The following MTARC2 variants were observed in gnomAD, a reference collection of about 807,000 sequenced individuals.
MTARC2 encodes MOCO sulphurase C-terminal domain containing 2.
Under a neutral mutation model 35.6 loss-of-function variants are expected in MTARC2, and 27 were observed. That is an observed-to-expected ratio of 0.76 (90% CI 0.56 to 1.04). MTARC2 has a LOEUF of 1.04. Among genes scored for constraint, MTARC2 ranks in the 50% least tolerant of loss-of-function variants. MTARC2 has a pLI of 0.00. For synonymous variants in MTARC2, 158 were observed against 167.1 expected (o/e 0.95, Z 0.42); for missense variants, 412 against 432.5 (o/e 0.95, Z 0.42).
rs561468561 is a variant in MTARC2 at position 220,784,216 on chromosome 1, G to A, written c.*329G>A. The A allele has an allele frequency of 2.6e-6, 1 of 390,872 alleles. No individual in the cohort carries two copies. Among genetic ancestry groups the A allele is most frequent in the Non-Finnish European group, 4.6e-6 (1 of 218,478 alleles). The allele number at this position is 390,872 out of a possible 1,614,324, so 24.2% of individuals were successfully genotyped here. The stretch of plus-strand genomic sequence containing the variant: ...TTTACTTCCTGACTTTAATATTGAT[G>A]AATAAAGCAAGTTTAATGAATCAAC... On this transcript the variant is annotated 3_prime_UTR_variant, in exon 8 of 8. Coordinates refer to ENST00000366913, the MANE Select transcript of MTARC2 (RefSeq NM_017898.5).
Position 220,784,177 on chromosome 1 carries a change from A to G in MTARC2, c.*290A>G. ...CAAAAATGCTATTTTGAATGTTATC[A>G]TGGCTATTACACTTTTACTTCCTGA... On this transcript the variant is annotated 3_prime_UTR_variant, in exon 8 of 8. Transcript: ENST00000366913. 1 of 458,576 alleles carries G rather than the reference A, an allele frequency of 2.2e-6. No individual in the cohort carries two copies. Among genetic ancestry groups the G allele is most frequent in the Non-Finnish European group, 3.9e-6 (1 of 256,786 alleles). 28.4% of individuals were successfully genotyped at this position (458,576 alleles called of 1,614,324 possible).
At chr1:220,766,146 C>A (rs1671571434) in intron 4 of MTARC2, among the ~76,000 whole-genome samples, 1 of 152,064 alleles carries the variant, frequency 6.6e-6, no homozygotes, top group African/African-American at 2.4e-5. Context: ...AGGGAAGGAA[C>A]TAGATTTTTC....
chr1:220,748,857 G>C lies in MTARC2; in HGVS notation c.272+54G>C, dbSNP rs72472372. On this transcript the variant is annotated intron_variant, in intron 1 of 7. Coordinates refer to ENST00000366913, the MANE Select transcript of MTARC2 (RefSeq NM_017898.5). ...GCGGAGCCTGCCTGGGATGAGGAGCGGGGGGGCAGGTGGGGCCCGATCTAT... is the reference window on the plus strand; with the variant it reads ...GCGGAGCCTGCCTGGGATGAGGAGCCGGGGGGCAGGTGGGGCCCGATCTAT... 4.9e-4 allele frequency: 707 copies of C among 1,430,310 alleles called. 2 individuals carry two copies. The highest frequency in any genetic ancestry group is 5.5e-4 in the Non-Finnish European group (615 of 1,111,736). The allele number at this position is 1,430,310 out of a possible 1,614,324, so 88.6% of individuals were successfully genotyped here. A position where few individuals can be genotyped will look rare whatever the true frequency, so the allele number is the denominator to read the frequency against.
chr1:220,753,050 T>TAAA (rs747375341), intron 1 of MTARC2, among the ~76,000 whole-genome samples: 13,812 of 106,582 alleles, frequency 0.13, 2,109 homozygotes, highest in African/African-American at 0.37. Flanking sequence ...CTGTCTCTAC[T>TAAA]AAAAAAAAAA....
rs990228622 is a variant in MTARC2 at position 220,770,358 on chromosome 1, C to T, written c.750+7308C>T. 5.1e-6 allele frequency: 5 copies of T among 984,688 alleles called. No homozygotes were observed. In the African/African-American group the frequency reaches 8.7e-5, roughly 17 times the overall value. 61.0% of individuals were successfully genotyped at this position (984,688 alleles called of 1,614,324 possible). On this transcript the variant is annotated intron_variant, in intron 4 of 7. Coordinates refer to ENST00000366913, the MANE Select transcript of MTARC2 (RefSeq NM_017898.5). ...AGTTGTGTTTATCAGGTCTCATCCACTTCTAAATATGTTACATTTCAGACC... is the reference window on the plus strand; with the variant it reads ...AGTTGTGTTTATCAGGTCTCATCCATTTCTAAATATGTTACATTTCAGACC...
intron 2 of MTARC2, among the ~76,000 whole-genome samples, chr1:220,760,978 G>A (rs12041923): frequency 0.013 from 2,036 of 152,266 alleles, 33 homozygotes; most frequent in East Asian, 0.06. Context: ...GAATTCAATG[G>A]AAATGATGTC....
chr1:220,757,122 G>A (rs1403979701), intron 2 of MTARC2, among the ~76,000 whole-genome samples: 2 of 152,208 alleles, frequency 1.3e-5, no homozygotes, highest in Admixed American at 1.3e-4. Context: ...GGCTGGTTTC[G>A]AACTCCTGAC....
chr1:220,758,229 C>T (rs762319715), intron 2 of MTARC2, among the ~76,000 whole-genome samples: 11 of 151,888 alleles, frequency 7.2e-5, no homozygotes, highest in East Asian at 1.9e-4. Context: ...GTGATCCACC[C>T]GCCTCGGCTT....
At chr1:220,776,983 TCA>T (rs1671935622) in intron 4 of MTARC2, among the ~76,000 whole-genome samples, 1 of 152,146 alleles carries the variant, frequency 6.6e-6, no homozygotes, top group South Asian at 2.1e-4. Flanking sequence ...CCTTCCTGGG[TCA>T]CACCCCATCG....
rs568957318 is a variant in MTARC2, at chr1:220,777,028, G to T, written c.751-2990G>T. On this transcript the variant is annotated intron_variant, in intron 4 of 7. Coordinates refer to ENST00000366913, the MANE Select transcript of MTARC2 (RefSeq NM_017898.5). ...CGATCTACCAGGAGGTTAGCCACCC[G>T]CTGTGGTTGTCTTGTAGTTCTTCGC... Among the ~76,000 whole-genome samples the T allele has an allele frequency of 2.6e-5, 4 of 152,314 alleles. No individual in the cohort carries two copies. The East Asian group carries it at 7.7e-4, about 29-fold the overall frequency.
chr1:220,764,465 T>C (rs187732292), intron 4 of MTARC2, among the ~76,000 whole-genome samples: 7 of 152,240 alleles, frequency 4.6e-5, no homozygotes, highest in African/African-American at 1.7e-4. Flanking sequence ...ATCGTACATG[T>C]AGGCACTCCG....
At position 220,753,050 on chromosome 1, in the gene MTARC2, T is replaced by TAAAA. The variant is rs747375341; in HGVS notation, c.273-1881_273-1878dup. Among the ~76,000 whole-genome samples the TAAAA allele has an allele frequency of 8.4e-4, 90 of 106,850 alleles. 1 individual carries two copies. The highest frequency in any genetic ancestry group is 2.3e-3 in the African/African-American group (60 of 26,552). The allele number at this position is 106,850 out of a possible 152,430, so 70.1% of individuals were successfully genotyped here. On this transcript the variant is annotated intron_variant, in intron 1 of 7. Transcript: ENST00000366913. The stretch of plus-strand genomic sequence containing the variant: ...TAACACGGTGAAACCCTGTCTCTAC[T>TAAAA]AAAAAAAAAAAAAAAAAAATACAAA...
At chr1:220,779,525 G>A (rs1448900135) in intron 4 of MTARC2, among the ~76,000 whole-genome samples, 1 of 152,224 alleles carries the variant, frequency 6.6e-6, no homozygotes, top group Non-Finnish European at 1.5e-5. Flanking sequence ...CACAGTCAGT[G>A]GCAGTGGGAT....
At chr1:220,758,993 A>C (rs1558065967) in intron 2 of MTARC2, among the ~76,000 whole-genome samples, 1 of 151,822 alleles carries the variant, frequency 6.6e-6, no homozygotes, top group Admixed American at 6.6e-5. Context: ...ATTTTTCTTC[A>C]CTTGTTTGTG....
intron 4 of MTARC2, among the ~76,000 whole-genome samples, chr1:220,773,403 G>C (rs1250269078): frequency 6.6e-6 from 1 of 152,222 alleles, no homozygotes. Context: ...CCATTGGGCT[G>C]TTCCTGACTT....
In MTARC2 at chr1:220,784,564, C is replaced by T. The variant is rs1053375870; in HGVS notation, c.*677C>T. ...TTGTGTGTAACTGCCAGATATACCACCTGGAATTCCAAGTAAGATAAGGAA... is the reference window on the plus strand; with the variant it reads ...TTGTGTGTAACTGCCAGATATACCATCTGGAATTCCAAGTAAGATAAGGAA... On this transcript the variant is annotated 3_prime_UTR_variant, in exon 8 of 8. Coordinates refer to ENST00000366913, the MANE Select transcript of MTARC2 (RefSeq NM_017898.5). The T allele has an allele frequency of 6.6e-6, 1 of 152,104 alleles. No homozygotes were observed. Among genetic ancestry groups the T allele is most frequent in the African/African-American group, 2.4e-5 (1 of 41,378 alleles). 9.4% of individuals were successfully genotyped at this position (152,104 alleles called of 1,614,324 possible). A position where few individuals can be genotyped will look rare whatever the true frequency, so the allele number is the denominator to read the frequency against.
intron 4 of MTARC2, among the ~76,000 whole-genome samples, chr1:220,768,075 G>A (rs549159347): frequency 3.5e-4 from 54 of 152,166 alleles, no homozygotes; most frequent in Non-Finnish European, 6.6e-4. Context: ...CAAGAATCAC[G>A]ACTCACTGCT....
chr1:220,748,816 G>C lies in MTARC2; in HGVS notation c.272+13G>C. On this transcript the variant is annotated intron_variant, in intron 1 of 7. Coordinates refer to ENST00000366913, the MANE Select transcript of MTARC2 (RefSeq NM_017898.5). ...ACCTGCGGGACAGGTACAGCACAGC[G>C]CGGGCGCGGGGCAGCGCGGAGCCTG... 1.3e-6 allele frequency: 2 copies of C among 1,569,544 alleles called. No homozygotes were observed. The highest frequency in any genetic ancestry group is 1.7e-6 in the Non-Finnish European group (2 of 1,159,756).
At chr1:220,757,184 G>A (rs891752959) in intron 2 of MTARC2, among the ~76,000 whole-genome samples, 8 of 152,240 alleles carry the variant, frequency 5.3e-5, no homozygotes, top group African/African-American at 1.9e-4. Flanking sequence ...TTGCAGGCAT[G>A]AGCCACCGTG....
Sources: gnomAD v4.1 joint callset for allele counts (sites outside exome capture counted in the v4.1 genomes callset) on GRCh38, gnomAD v4.1.1 for gene constraint, MANE v1.5 for transcripts, NCBI Gene and HGNC (gene_info 2026-07-23, HGNC 2026-07-21) for gene names.